The following CTNNA2 variants were observed in gnomAD, a reference collection of about 807,000 sequenced individuals.
CTNNA2 encodes the protein catenin alpha-2.
CTNNA2 carries 42 observed loss-of-function variants against 101.0 expected under a neutral mutation model. The ratio of observed to expected loss-of-function variants is 0.42; its 90% CI spans 0.32 to 0.54. The LOEUF (loss-of-function observed/expected upper bound fraction) is 0.54. Ranked by LOEUF, CTNNA2 falls within the 20% of genes least tolerant of loss-of-function variation. The probability of loss-of-function intolerance (pLI) is 0.14; values close to 1 mark genes in which losing one functional copy is unlikely to be tolerated. For missense variants in CTNNA2, 871 were observed against 1,223.1 expected (o/e 0.71, Z 4.29); for synonymous variants, 450 against 456.4 (o/e 0.99, Z 0.18).
chr2:80,467,419 C>T (rs372083050), intron 9 of CTNNA2, among the ~76,000 whole-genome samples: 81 of 152,244 alleles, frequency 5.3e-4, no homozygotes, highest in African/African-American at 1.9e-3. Context: ...GGGGAAGATA[C>T]GTGGTTAGTA....
chr2:80,177,635 A>C (rs542447526), intron 7 of CTNNA2, among the ~76,000 whole-genome samples: 1 of 152,214 alleles, frequency 6.6e-6, no homozygotes, highest in South Asian at 2.1e-4. Flanking sequence ...CACATAGAAC[A>C]AGTCATCCTT....
intron 7 of CTNNA2, among the ~76,000 whole-genome samples, chr2:80,287,466 A>C (rs1674868425): frequency 6.6e-6 from 1 of 152,196 alleles, no homozygotes. Flanking sequence ...GTGTATAGTC[A>C]AAATGGACTC....
intron 18 of CTNNA2, among the ~76,000 whole-genome samples, chr2:80,636,049 T>A (rs1185132229): frequency 2.0e-5 from 3 of 150,898 alleles, no homozygotes; most frequent in Non-Finnish European, 2.9e-5. Flanking sequence ...GCACTGTCCT[T>A]TTCAATAACC....
At chr2:80,255,494 A>C (rs1321107904) in intron 7 of CTNNA2, among the ~76,000 whole-genome samples, 2 of 152,088 alleles carry the variant, frequency 1.3e-5, no homozygotes, top group African/African-American at 4.8e-5. Flanking sequence ...TATAATGCTG[A>C]TTTCTTTCAA....
At chr2:79,619,079 G>A (rs764768596) in intron 1 of CTNNA2, among the ~76,000 whole-genome samples, 17 of 152,166 alleles carry the variant, frequency 1.1e-4, no homozygotes, top group African/African-American at 3.9e-4. Context: ...GGTGGCGGGC[G>A]CCTATAATCC....
chr2:80,083,055 G>A (rs1161947890), intron 7 of CTNNA2, among the ~76,000 whole-genome samples: 1 of 152,154 alleles, frequency 6.6e-6, no homozygotes, highest in East Asian at 1.9e-4. Flanking sequence ...AAAATATAAG[G>A]TTTTCAGTTA....
chr2:80,633,495 A>ACGCTTGTG (rs1272102224), intron 18 of CTNNA2, among the ~76,000 whole-genome samples: 2 of 152,116 alleles, frequency 1.3e-5, no homozygotes, highest in Non-Finnish European at 2.9e-5. Flanking sequence ...CACATGACTC[A>ACGCTTGTG]CGCTTGTGAA....
chr2:79,239,582 C>G (rs112955212), intron 2 of CTNNA2, among the ~76,000 whole-genome samples: 12 of 152,164 alleles, frequency 7.9e-5, no homozygotes, highest in African/African-American at 2.9e-4. Flanking sequence ...AAAACCCAAA[C>G]GTATAAAACA....
chr2:79,471,528 C>T (rs1365512719), intron 4 of CTNNA2, among the ~76,000 whole-genome samples: 2 of 152,102 alleles, frequency 1.3e-5, no homozygotes, highest in Non-Finnish European at 2.9e-5. Context: ...CTAATACCAT[C>T]ACATCGGAGG....
intron 11 of CTNNA2, among the ~76,000 whole-genome samples, chr2:80,548,583 A>G (rs560316319): frequency 1.3e-5 from 2 of 152,250 alleles, no homozygotes; most frequent in Admixed American, 6.5e-5. Context: ...GTGCAGTCCA[A>G]CCCCAGTGGT....
intron 4 of CTNNA2, among the ~76,000 whole-genome samples, chr2:79,424,034 G>A (rs1678567343): frequency 6.6e-6 from 1 of 151,954 alleles, no homozygotes; most frequent in African/African-American, 2.4e-5. Context: ...AAAATAATAA[G>A]TTGTTTCTCT....
chr2:80,192,721 G>T (rs1240124965), intron 7 of CTNNA2, among the ~76,000 whole-genome samples: 2 of 152,076 alleles, frequency 1.3e-5, no homozygotes, highest in African/African-American at 2.4e-5. Flanking sequence ...CGCCACATTG[G>T]CCAGGCTGGT....
chr2:79,841,097 T>A (rs769290067), intron 3 of CTNNA2, among the ~76,000 whole-genome samples: 83 of 152,260 alleles, frequency 5.5e-4, no homozygotes, highest in Non-Finnish European at 9.3e-4. Context: ...TATGTATCTA[T>A]GCATGTAAGC....
chr2:80,134,768 A>C (rs1055527089), intron 7 of CTNNA2, among the ~76,000 whole-genome samples: 1 of 152,090 alleles, frequency 6.6e-6, no homozygotes, highest in African/African-American at 2.4e-5. Flanking sequence ...TGTTCCTTAG[A>C]TTTCTTCCCC....
At chr2:80,225,853 T>C (rs887787862) in intron 7 of CTNNA2, among the ~76,000 whole-genome samples, 5 of 152,222 alleles carry the variant, frequency 3.3e-5, no homozygotes, top group African/African-American at 9.6e-5. Flanking sequence ...CAATTTCCTT[T>C]GGATGTACTA....
At chr2:79,705,865 C>G (rs918450623) in intron 2 of CTNNA2, among the ~76,000 whole-genome samples, 1 of 152,048 alleles carries the variant, frequency 6.6e-6, no homozygotes, top group East Asian at 1.9e-4. Flanking sequence ...AGCTATCCAG[C>G]TGGGGAGATT....
intron 11 of CTNNA2, among the ~76,000 whole-genome samples, chr2:80,552,440 T>C (rs1226814273): frequency 1.3e-5 from 2 of 152,208 alleles, no homozygotes; most frequent in Admixed American, 6.5e-5. Context: ...CCGTAGTAGC[T>C]TTTACATGTC....
chr2:80,420,857 A>C (rs2149408389), intron 9 of CTNNA2, among the ~76,000 whole-genome samples: 1 of 152,364 alleles, frequency 6.6e-6, no homozygotes, highest in South Asian at 2.1e-4. Context: ...GGCCACAATA[A>C]TGGAAGCTTT....
chr2:80,097,283 G>A (rs1170226347), intron 7 of CTNNA2, among the ~76,000 whole-genome samples: 10 of 152,088 alleles, frequency 6.6e-5, no homozygotes, highest in South Asian at 4.1e-4. Flanking sequence ...TTTGCTGGAT[G>A]TGAAATTCTG....
Sources: allele counts gnomAD v4.1 joint callset (sites outside exome capture counted in the v4.1 genomes callset), GRCh38; gene constraint gnomAD v4.1.1; transcripts MANE v1.5; gene names NCBI Gene and HGNC (gene_info 2026-07-23, HGNC 2026-07-21).